Variants in NKAIN2 observed in about 807,000 individuals in gnomAD.
NKAIN2 encodes sodium/potassium transporting ATPase interacting 2.
Under a neutral mutation model 32.6 loss-of-function variants are expected in NKAIN2, and 14 were observed. The observed-to-expected ratio is 0.43, with a 90% CI of 0.28 to 0.67. The LOEUF (loss-of-function observed/expected upper bound fraction) is 0.67. NKAIN2 is among the 30% of genes least tolerant of loss of function. NKAIN2 has a pLI of 0.17. For missense variants in NKAIN2, 198 were observed against 258.3 expected, an observed-to-expected ratio of 0.77 and a Z score of 1.60; for synonymous variants, 80 against 87.2, an observed-to-expected ratio of 0.92 and a Z score of 0.46.
chr6:123,929,089 G>T (rs1347567187), intron 1 of NKAIN2, among the ~76,000 whole-genome samples: 1 of 152,122 alleles, frequency 6.6e-6, no homozygotes, highest in Non-Finnish European at 1.5e-5. Context: ...TGAAGGAAAG[G>T]GTAGTAACCA....
intron 5 of NKAIN2, among the ~76,000 whole-genome samples, chr6:124,803,866 A>G (rs998864832): frequency 1.3e-5 from 2 of 152,210 alleles, no homozygotes; most frequent in Admixed American, 1.3e-4. Flanking sequence ...CCTTTTGTAT[A>G]AATCCTTTTT....
At chr6:124,640,982 C>A in intron 3 of NKAIN2, among the ~76,000 whole-genome samples, 1 of 152,146 alleles carries the variant, frequency 6.6e-6, no homozygotes, top group East Asian at 1.9e-4. Context: ...TAGCAGCAAA[C>A]TTTCTTCTGC....
At chr6:124,613,256 C>T (rs1303354925) in intron 3 of NKAIN2, among the ~76,000 whole-genome samples, 1 of 152,080 alleles carries the variant, frequency 6.6e-6, no homozygotes, top group Non-Finnish European at 1.5e-5. Flanking sequence ...GTTATCTTAC[C>T]CTGATGCTAT....
chr6:124,100,115 G>T (rs1784812424), intron 1 of NKAIN2, among the ~76,000 whole-genome samples: 1 of 152,176 alleles, frequency 6.6e-6, no homozygotes, highest in South Asian at 2.1e-4. Flanking sequence ...CTTTACTGCA[G>T]AAATTTCTTC....
intron 3 of NKAIN2, among the ~76,000 whole-genome samples, chr6:124,369,619 C>T (rs953621932): frequency 6.6e-6 from 1 of 152,044 alleles, no homozygotes; most frequent in Non-Finnish European, 1.5e-5. Context: ...ACTTTTCTTC[C>T]AGTGTGGCCC....
intron 1 of NKAIN2, among the ~76,000 whole-genome samples, chr6:123,834,949 C>G (rs937809880): frequency 2.0e-5 from 3 of 151,976 alleles, no homozygotes; most frequent in African/African-American, 7.3e-5. Flanking sequence ...TCTTTTTATA[C>G]GTTGTTGGAT....
rs551295536 is a variant in NKAIN2 at position 124,761,696 on chromosome 6, CT to C, written c.475-29638del. The stretch of plus-strand genomic sequence containing the variant: ...ATCCTCTAACATAACTTTCTCTTTT[CT>C]TTTTCATTTATAAAGGCAGTATCAA... On this transcript the variant is annotated intron_variant, in intron 4 of 6. Transcript: ENST00000368417. Among the ~76,000 whole-genome samples the C allele has an allele frequency of 6.8e-4, 103 of 152,210 alleles. 1 individual carries two copies. Among genetic ancestry groups the C allele is most frequent in the African/African-American group, 2.3e-3 (95 of 41,536 alleles).
chr6:123,889,270 G>A (rs1451317995), intron 1 of NKAIN2, among the ~76,000 whole-genome samples: 1 of 152,038 alleles, frequency 6.6e-6, no homozygotes, highest in Non-Finnish European at 1.5e-5. Flanking sequence ...TGCGGAGCTG[G>A]TTGATCTGAA....
intron 1 of NKAIN2, among the ~76,000 whole-genome samples, chr6:123,861,479 C>A (rs7745343): frequency 0.046 from 7,051 of 152,166 alleles, 338 homozygotes; most frequent in African/African-American, 0.13. Context: ...TGGTGATACA[C>A]CATTGGAAGA....
At chr6:124,107,365 A>T (rs1785172683) in intron 1 of NKAIN2, among the ~76,000 whole-genome samples, 1 of 152,160 alleles carries the variant, frequency 6.6e-6, no homozygotes, top group Non-Finnish European at 1.5e-5. Flanking sequence ...AACCAATTGT[A>T]GGAAAAATAA....
chr6:124,712,800 G>T (rs1251773666), intron 4 of NKAIN2, among the ~76,000 whole-genome samples: 1 of 151,924 alleles, frequency 6.6e-6, no homozygotes, highest in Non-Finnish European at 1.5e-5. Context: ...GACCGGAGCT[G>T]TTCCTATTCG....
chr6:124,004,617 A>C (rs1780001545), intron 1 of NKAIN2, among the ~76,000 whole-genome samples: 1 of 151,936 alleles, frequency 6.6e-6, no homozygotes, highest in Admixed American at 6.6e-5. Flanking sequence ...AAAGACAGAA[A>C]ACCAAACACT....
intron 1 of NKAIN2, among the ~76,000 whole-genome samples, chr6:124,153,618 T>G (rs1313782549): frequency 1.3e-5 from 2 of 151,762 alleles, no homozygotes; most frequent in Non-Finnish European, 3.0e-5. Flanking sequence ...ATGTGACATT[T>G]TGGTCTCTTT....
chr6:124,609,657 C>T (rs186955121), intron 3 of NKAIN2, among the ~76,000 whole-genome samples: 15 of 152,134 alleles, frequency 9.9e-5, no homozygotes, highest in South Asian at 6.2e-4. Flanking sequence ...TGCCCCCCTC[C>T]GGAAGCCCCA....
rs894153447 is a variant in NKAIN2, at chr6:124,044,191, T to C, written c.55-238814T>C. ...CACTCACCATTATTATGTAGTAGGA[T>C]TTTATAAGATGGTCCAAGTATTTTT... On this transcript the variant is annotated intron_variant, in intron 1 of 6. Coordinates refer to ENST00000368417, the MANE Select transcript of NKAIN2 (RefSeq NM_001040214.3). 2.6e-5 allele frequency among the ~76,000 whole-genome samples: 4 copies of C among 152,048 alleles called. No individual in the cohort carries two copies. In the East Asian group the frequency reaches 7.7e-4, roughly 29 times the overall value.
At chr6:124,790,932 C>T (rs144519638) in intron 4 of NKAIN2, among the ~76,000 whole-genome samples, 62 of 152,212 alleles carry the variant, frequency 4.1e-4, no homozygotes, top group South Asian at 3.9e-3. Flanking sequence ...TCCCTCAAAG[C>T]GTTTTTCTGA....
At chr6:123,933,103 G>A (rs184840423) in intron 1 of NKAIN2, among the ~76,000 whole-genome samples, 266 of 152,272 alleles carry the variant, frequency 1.7e-3, no homozygotes, top group African/African-American at 6.1e-3. Flanking sequence ...ATAATTTGCA[G>A]GGCCCAGTGA....
chr6:124,137,342 A>G (rs1018867026), intron 1 of NKAIN2, among the ~76,000 whole-genome samples: 2 of 152,050 alleles, frequency 1.3e-5, no homozygotes, highest in African/African-American at 4.8e-5. Flanking sequence ...ACAAAACACT[A>G]CTAAAAGAAA....
At chr6:124,583,229 C>CAAAAAAAAAAAAAAA (rs60708814) in intron 3 of NKAIN2, among the ~76,000 whole-genome samples, 1 of 141,306 alleles carries the variant, frequency 7.1e-6, no homozygotes, top group Non-Finnish European at 1.5e-5. Context: ...AAGACTCCAC[C>CAAAAAAAAAAAAAAA]AAAAAAAAAA....
Sources: gnomAD v4.1 joint callset for allele counts (sites outside exome capture counted in the v4.1 genomes callset) on GRCh38, gnomAD v4.1.1 for gene constraint, MANE v1.5 for transcripts, NCBI Gene and HGNC (gene_info 2026-07-23, HGNC 2026-07-21) for gene names.